Variants in KCNG3 observed in about 807,000 individuals in gnomAD.
KCNG3 encodes voltage-gated potassium channel regulatory subunit KCNG3.
KCNG3 carries 15 observed loss-of-function variants against 29.0 expected under a neutral mutation model. The ratio of observed to expected loss-of-function variants is 0.52; its 90% CI spans 0.35 to 0.80. The LOEUF (loss-of-function observed/expected upper bound fraction) is 0.80. Among genes scored for constraint, KCNG3 ranks in the 30% least tolerant of loss-of-function variants. The probability of loss-of-function intolerance (pLI) is 0.01; values close to 1 mark genes in which losing one functional copy is unlikely to be tolerated. For synonymous variants in KCNG3, 322 were observed against 248.9 expected, an observed-to-expected ratio of 1.29 and a Z score of -2.76; for missense variants, 512 against 605.7, an observed-to-expected ratio of 0.85 and a Z score of 1.62.
intron 1 of KCNG3, among the ~76,000 whole-genome samples, chr2:42,447,551 C>T (rs1274338148): frequency 6.6e-6 from 1 of 151,676 alleles, no homozygotes; most frequent in Non-Finnish European, 1.5e-5. Context: ...GTCTTACTCC[C>T]GTCAACCATG....
chr2:42,481,474 G>A (rs539555873), intron 1 of KCNG3, among the ~76,000 whole-genome samples: 3 of 152,200 alleles, frequency 2.0e-5, no homozygotes, highest in East Asian at 1.9e-4. Flanking sequence ...ACCCTTGCAG[G>A]ACCCTGGAGT....
chr2:42,404,277 T>C, the KCNG3 span, among the ~76,000 whole-genome samples: 8 of 149,566 alleles, frequency 5.3e-5, no homozygotes, highest in Non-Finnish European at 1.0e-4. Flanking sequence ...TAGTATTCTT[T>C]TCATCAGTTG....
chr2:42,458,192 C>T (rs573858746), intron 1 of KCNG3, among the ~76,000 whole-genome samples: 5 of 152,278 alleles, frequency 3.3e-5, no homozygotes, highest in African/African-American at 1.2e-4. Flanking sequence ...AGTTCACTCT[C>T]TCAAAGTCAT....
intron 1 of KCNG3, among the ~76,000 whole-genome samples, chr2:42,461,115 C>T (rs1673005703): frequency 6.9e-6 from 1 of 145,756 alleles, no homozygotes; most frequent in African/African-American, 2.5e-5. Context: ...GAGCCGAGAT[C>T]ACGCCACTGC....
At chr2:42,483,539 T>C (rs780743364) in intron 1 of KCNG3, among the ~76,000 whole-genome samples, 12 of 152,134 alleles carry the variant, frequency 7.9e-5, no homozygotes, top group Non-Finnish European at 1.6e-4. Context: ...ACTGTGTGAG[T>C]CTGGACATAT....
At position 42,444,132 on chromosome 2, in the gene KCNG3, C is replaced by T; in HGVS notation, c.1113G>A (p.Met371Ile). The stretch of plus-strand genomic sequence containing the variant: ...ACATATCTCCATAGCCAACTGTAGT[C>T]ATAGAGATAATCACCCACCAGCAGG... ...PAACWWVIIS[M>I]TTVGYGDMYP... Residue 371 changes from methionine (M) to isoleucine (I), a missense_variant, in exon 2 of 2, where the codon ATG (methionine) becomes ATA (isoleucine). Transcript: ENST00000306078. The surrounding 1 kb of genome is among the most constrained non-coding windows in gnomAD (Gnocchi z 5.8). The T allele has an allele frequency of 6.2e-7, 1 of 1,614,142 alleles. No individual in the cohort carries two copies. Among genetic ancestry groups the T allele is most frequent in the Non-Finnish European group, 8.5e-7 (1 of 1,180,000 alleles).
intron 1 of KCNG3, among the ~76,000 whole-genome samples, chr2:42,472,325 T>C (rs572064703): frequency 3.4e-4 from 52 of 152,334 alleles, no homozygotes; most frequent in Non-Finnish European, 4.1e-4. Context: ...CTGGACTCCA[T>C]TGATTATACC....
chr2:42,484,565 C>A (rs1673675491), intron 1 of KCNG3, among the ~76,000 whole-genome samples: 1 of 152,132 alleles, frequency 6.6e-6, no homozygotes, highest in African/African-American at 2.4e-5. Context: ...TGTGTACACG[C>A]ACATGTGTAT....
chr2:42,431,222 G>T, the KCNG3 span, among the ~76,000 whole-genome samples: 1 of 152,032 alleles, frequency 6.6e-6, no homozygotes, highest in Non-Finnish European at 1.5e-5. Context: ...AATAATTGGG[G>T]ATCCTGCTAT....
chr2:42,457,163 C>T (rs1315279885), intron 1 of KCNG3, among the ~76,000 whole-genome samples: 1 of 152,010 alleles, frequency 6.6e-6, no homozygotes, highest in Non-Finnish European at 1.5e-5. Context: ...ATGATCCCCA[C>T]CTACAAATGA....
chr2:42,477,561 G>C (rs1004925237), intron 1 of KCNG3, among the ~76,000 whole-genome samples: 2 of 150,682 alleles, frequency 1.3e-5, no homozygotes, highest in African/African-American at 4.9e-5. Context: ...CCAAGTAGCT[G>C]GTCAATACAA....
At chr2:42,432,806 T>C in the KCNG3 span, among the ~76,000 whole-genome samples, 2 of 152,104 alleles carry the variant, frequency 1.3e-5, no homozygotes, top group African/African-American at 4.8e-5. Flanking sequence ...GGCTTCGACT[T>C]GGTAAATTTC....
the KCNG3 span, among the ~76,000 whole-genome samples, chr2:42,392,741 G>A: frequency 6.6e-6 from 1 of 151,888 alleles, no homozygotes; most frequent in Non-Finnish European, 1.5e-5. Flanking sequence ...CGATGAATGA[G>A]GGTCCTGGCA....
chr2:42,461,897 C>T (rs527617124), intron 1 of KCNG3, among the ~76,000 whole-genome samples: 2 of 152,248 alleles, frequency 1.3e-5, no homozygotes, highest in Non-Finnish European at 1.5e-5. Flanking sequence ...TAGTATATTA[C>T]CATTTTGGCT....
chr2:42,400,450 C>T, the KCNG3 span, among the ~76,000 whole-genome samples: 1 of 152,052 alleles, frequency 6.6e-6, no homozygotes. Flanking sequence ...TACATCTGGA[C>T]CTTGGAAAGA....
chr2:42,480,236 G>C (rs1224704659), intron 1 of KCNG3, among the ~76,000 whole-genome samples: 1 of 146,870 alleles, frequency 6.8e-6, no homozygotes, highest in Non-Finnish European at 1.5e-5. Context: ...CTGGTTAGAA[G>C]ACTAGAATCA....
the KCNG3 span, among the ~76,000 whole-genome samples, chr2:42,416,658 A>T: frequency 1.3e-4 from 19 of 151,780 alleles, no homozygotes; most frequent in Non-Finnish European, 2.6e-4. Flanking sequence ...TCTACTAAAA[A>T]TACAAAAAAA....
chr2:42,453,061 C>T (rs548589308), intron 1 of KCNG3, among the ~76,000 whole-genome samples: 28 of 152,352 alleles, frequency 1.8e-4, no homozygotes, highest in Admixed American at 7.2e-4. Context: ...AGATTACAGG[C>T]GTGGGCCACT....
At chr2:42,492,660 C>T (rs1157165935) in intron 1 of KCNG3, among the ~76,000 whole-genome samples, 177 bp downstream of exon 1, 1 of 152,248 alleles carries the variant, frequency 6.6e-6, no homozygotes, top group Non-Finnish European at 1.5e-5. Flanking sequence ...GTGCCCCGGA[C>T]AACGGGGTAG....
Sources: allele counts gnomAD v4.1 joint callset (sites outside exome capture counted in the v4.1 genomes callset), GRCh38; gene constraint gnomAD v4.1.1; non-coding constraint Gnocchi (gnomAD v3.1); transcripts MANE v1.5; gene names NCBI Gene and HGNC (gene_info 2026-07-23, HGNC 2026-07-21).